Variants in TNIP3 observed in about 807,000 individuals in gnomAD.
TNIP3 encodes the protein TNFAIP3 interacting protein 3.
In TNIP3, 34 loss-of-function variants were observed where a neutral mutation model predicts 54.1. The ratio of observed to expected loss-of-function variants is 0.63; its 90% CI spans 0.48 to 0.84. TNIP3 has a LOEUF of 0.84. Among genes scored for constraint, TNIP3 ranks in the 40% least tolerant of loss-of-function variants. The pLI, the probability that TNIP3 is intolerant of heterozygous loss-of-function variation, is 0.00. For synonymous variants in TNIP3, 134 were observed against 136.8 expected, an observed-to-expected ratio of 0.98 and a Z score of 0.14; for missense variants, 366 against 387.6, an observed-to-expected ratio of 0.94 and a Z score of 0.47.
intron 4 of TNIP3, 141 bp downstream of exon 4, chr4:121,156,953 G>T: frequency 9.6e-7 from 1 of 1,038,214 alleles, no homozygotes; most frequent in Non-Finnish European, 1.4e-6. Flanking sequence ...GGGGACTTGC[G>T]TAACCCATGC....
At chr4:121,178,264 G>A (rs1353058422) in intron 3 of TNIP3, among the ~76,000 whole-genome samples, 1 of 152,116 alleles carries the variant, frequency 6.6e-6, no homozygotes, top group South Asian at 2.1e-4. Flanking sequence ...ATCTGTAGAG[G>A]GGTAAAGATG....
chr4:121,223,558 G>T (rs979763809), intron 1 of TNIP3, among the ~76,000 whole-genome samples: 3 of 152,074 alleles, frequency 2.0e-5, no homozygotes, highest in African/African-American at 4.8e-5. Flanking sequence ...TATCAAACAA[G>T]ATTTAAATTC....
At chr4:121,161,534 C>CA (rs1355876072) in intron 1 of TNIP3, among the ~76,000 whole-genome samples, 1 of 151,634 alleles carries the variant, frequency 6.6e-6, no homozygotes, top group Non-Finnish European at 1.5e-5. Flanking sequence ...AATCCTTTTC[C>CA]AAAAAAATGA....
At chr4:121,138,791 A>G in intron 9 of TNIP3, 107 bp from the exon 10 acceptor site, 2 of 1,017,806 alleles carry the variant, frequency 2.0e-6, no homozygotes, top group South Asian at 1.3e-5. Flanking sequence ...GCAACACAAA[A>G]GTAATTTCTA....
intron 1 of TNIP3, among the ~76,000 whole-genome samples, chr4:121,226,072 T>A (rs890483027): frequency 1.3e-5 from 2 of 151,680 alleles, no homozygotes; most frequent in African/African-American, 4.9e-5. Context: ...GATAATTAAA[T>A]ATATACTTGG....
At chr4:121,157,527 C>A (rs1006539795) in intron 3 of TNIP3, among the ~76,000 whole-genome samples, 2 of 152,136 alleles carry the variant, frequency 1.3e-5, no homozygotes, top group Non-Finnish European at 2.9e-5. Flanking sequence ...TAGACCCCAC[C>A]CAGGGGAATC....
At chr4:121,208,380 C>T (rs1221528595) in intron 2 of TNIP3, among the ~76,000 whole-genome samples, 1 of 152,142 alleles carries the variant, frequency 6.6e-6, no homozygotes, top group African/African-American at 2.4e-5. Flanking sequence ...TGGAGCCACC[C>T]AGATCAATAA....
intron 7 of TNIP3, 50 bp downstream of exon 7, chr4:121,146,999 A>C (rs551806956): frequency 1.3e-6 from 2 of 1,549,720 alleles, no homozygotes; most frequent in Non-Finnish European, 1.7e-6. Context: ...TTTTTAAATG[A>C]AAAAAATATA....
intron 1 of TNIP3, among the ~76,000 whole-genome samples, chr4:121,221,694 G>C (rs775090542): frequency 3.3e-5 from 5 of 152,096 alleles, no homozygotes; most frequent in Admixed American, 6.5e-5. Context: ...GAACAAGAAA[G>C]AGATTTTTGG....
At chr4:121,177,929 A>G (rs1460608370) in intron 3 of TNIP3, among the ~76,000 whole-genome samples, 3 of 152,212 alleles carry the variant, frequency 2.0e-5, no homozygotes, top group Admixed American at 1.3e-4. Context: ...CCAGTGGTCT[A>G]TTGGGATAAA....
At chr4:121,205,011 T>A (rs1324250993) in intron 2 of TNIP3, among the ~76,000 whole-genome samples, 1 of 152,344 alleles carries the variant, frequency 6.6e-6, no homozygotes, top group East Asian at 1.9e-4. Flanking sequence ...GGTTCTTGAC[T>A]GATTTTTCAT....
chr4:121,218,718 G>A (rs1416963741), upstream of TNIP3, among the ~76,000 whole-genome samples: 1 of 151,672 alleles, frequency 6.6e-6, no homozygotes, highest in Non-Finnish European at 1.5e-5. Flanking sequence ...CACCATTACA[G>A]TGCACTATAG....
chr4:121,178,185 A>G (rs1373001152), intron 3 of TNIP3, among the ~76,000 whole-genome samples: 1 of 152,258 alleles, frequency 6.6e-6, no homozygotes, highest in Non-Finnish European at 1.5e-5. Context: ...GTTTAGGTCC[A>G]GAATCTAAAT....
At chr4:121,157,521 C>T (rs540857757) in intron 3 of TNIP3, among the ~76,000 whole-genome samples, 2 of 152,298 alleles carry the variant, frequency 1.3e-5, no homozygotes, top group East Asian at 1.9e-4. Flanking sequence ...AAGACTTAGA[C>T]CCCACCCAGG....
rs1412983130 is a variant in TNIP3, at chr4:121,158,697, T to C, written c.203A>G (p.Tyr68Cys). ...GAGAGAGGTATTTACCTTTCTTTCA[T>C]ATAACTCTTTCATACTTCTAAATTG... Reference protein sequence around the residue: ...DQQFRSMKELYERKVAELKTK... With the variant: ...DQQFRSMKELCERKVAELKTK... The change falls in exon 3 of 11, where the codon TAT (tyrosine) becomes TGT (cysteine). Residue 68 changes from tyrosine (Y) to cysteine (C), a missense_variant. Coordinates refer to ENST00000057513, the MANE Select transcript of TNIP3 (RefSeq NM_024873.6). 1 of 1,612,502 alleles carries C rather than the reference T, an allele frequency of 6.2e-7. No homozygotes were observed. Among genetic ancestry groups the C allele is most frequent in the South Asian group, 1.1e-5 (1 of 90,860 alleles).
At chr4:121,184,116 A>G (rs991539456) in intron 2 of TNIP3, among the ~76,000 whole-genome samples, 4 of 150,754 alleles carry the variant, frequency 2.7e-5, no homozygotes, top group African/African-American at 1.0e-4. Flanking sequence ...AAAATGCATT[A>G]ATTGTGTGAT....
In TNIP3 at chr4:121,157,089, C is replaced by T. The variant is rs759924481; in HGVS notation, c.363+5G>A. 39 of 1,613,810 alleles carry T rather than the reference C, an allele frequency of 2.4e-5. No homozygotes were observed. In the African/African-American group the frequency reaches 3.9e-4, roughly 16 times the overall value. ...TCCGGGCTCGAGGACCCGGGCCCCG[C>T]CCACCTCCTCCCGCTGCAGCCGGTC... On this transcript the variant is annotated splice_donor_5th_base_variant and intron_variant, in intron 4 of 10. Transcript: ENST00000057513.
chr4:121,142,670 A>G (rs1364769880), intron 8 of TNIP3, 56 bp downstream of exon 8: 2 of 1,487,696 alleles, frequency 1.3e-6, no homozygotes, highest in East Asian at 4.5e-5. Flanking sequence ...TAATTGGGAC[A>G]ATGAGAAATG....
intron 2 of TNIP3, among the ~76,000 whole-genome samples, chr4:121,183,143 A>G (rs1724812378): frequency 6.6e-6 from 1 of 152,240 alleles, no homozygotes; most frequent in South Asian, 2.1e-4. Flanking sequence ...TCACTGTCCC[A>G]GGCATTAGAC....
Sources: allele counts gnomAD v4.1 joint callset (sites outside exome capture counted in the v4.1 genomes callset), GRCh38; gene constraint gnomAD v4.1.1; transcripts MANE v1.5; gene names NCBI Gene and HGNC (gene_info 2026-07-23, HGNC 2026-07-21).